ESR1: variants seen among roughly 807,000 people sequenced by gnomAD.
The protein encoded by ESR1 is estrogen receptor.
ESR1 carries 12 observed loss-of-function variants against 52.7 expected under a neutral mutation model. The observed-to-expected ratio is 0.23, with a 90% CI of 0.15 to 0.37. The LOEUF (loss-of-function observed/expected upper bound fraction) is 0.37. Ranked by LOEUF, ESR1 falls within the 10% of genes least tolerant of loss-of-function variation. ESR1 has a pLI of 1.00. For missense variants in ESR1, 584 were observed against 779.7 expected, an observed-to-expected ratio of 0.75 and a Z score of 2.99; for synonymous variants, 305 against 316.8, an observed-to-expected ratio of 0.96 and a Z score of 0.39.
At chr6:151,997,231 G>A (rs1351169910) in intron 4 of ESR1, among the ~76,000 whole-genome samples, 1 of 152,020 alleles carries the variant, frequency 6.6e-6, no homozygotes, top group Non-Finnish European at 1.5e-5. Flanking sequence ...TCTGGCTTCT[G>A]AATTTTCTAA....
At chr6:152,038,244 C>T (rs1410729893) in intron 5 of ESR1, among the ~76,000 whole-genome samples, 2 of 152,184 alleles carry the variant, frequency 1.3e-5, no homozygotes, top group Non-Finnish European at 2.9e-5. Context: ...TTCCACGTTC[C>T]TCTGCCTGCT....
chr6:151,659,898 C>T (rs929801969), intron 1 of ESR1, among the ~76,000 whole-genome samples: 1 of 152,112 alleles, frequency 6.6e-6, no homozygotes, highest in Non-Finnish European at 1.5e-5. Context: ...AACTCTTAGG[C>T]ATAATAGTCT....
intron 2 of ESR1, among the ~76,000 whole-genome samples, chr6:151,718,132 A>G (rs1781191361): frequency 6.6e-6 from 1 of 152,262 alleles, no homozygotes; most frequent in Non-Finnish European, 1.5e-5. Context: ...AAAATATATG[A>G]AAATCTATTC....
intron 5 of ESR1, among the ~76,000 whole-genome samples, chr6:152,020,623 G>T (rs944128718): frequency 6.6e-6 from 1 of 151,840 alleles, no homozygotes; most frequent in African/African-American, 2.4e-5. Flanking sequence ...GCTAATTTTT[G>T]CATTTTTAGT....
chr6:151,779,887 G>A (rs1435788662), intron 2 of ESR1, among the ~76,000 whole-genome samples: 25 of 116,806 alleles, frequency 2.1e-4, no homozygotes, highest in African/African-American at 7.1e-4. Flanking sequence ...GCGACAGAGC[G>A]AGACTCCGTC....
intron 3 of ESR1, among the ~76,000 whole-genome samples, chr6:151,931,586 A>G (rs1005699694): frequency 2.9e-5 from 4 of 137,384 alleles, no homozygotes; most frequent in Non-Finnish European, 6.3e-5. Flanking sequence ...ATATCTCCCA[A>G]TGCTATCCCT....
chr6:151,849,860 T>G (rs1283548945), intron 2 of ESR1, among the ~76,000 whole-genome samples: 1 of 150,018 alleles, frequency 6.7e-6, no homozygotes, highest in East Asian at 2.0e-4. Flanking sequence ...CGGCTTATTG[T>G]CCTCTCCTTC....
rs2030239319 is a variant in ESR1, at chr6:151,916,525, G to A, written c.761-27648G>A. Among the ~76,000 whole-genome samples the A allele has an allele frequency of 2.0e-5, 3 of 152,172 alleles. No individual in the cohort carries two copies. In the East Asian group the frequency reaches 5.8e-4, roughly 29 times the overall value. The stretch of plus-strand genomic sequence containing the variant: ...GCAATAGGTACCTCCTTTGGAATAA[G>A]CATGGTGAGAAAGAATTGCTTCTGG... On this transcript the variant is annotated intron_variant, in intron 3 of 7. Transcript: ENST00000206249.
At chr6:152,075,747 G>A (rs1446134744) in intron 6 of ESR1, among the ~76,000 whole-genome samples, 1 of 152,202 alleles carries the variant, frequency 6.6e-6, no homozygotes, top group South Asian at 2.1e-4. Context: ...AGGCTATTAA[G>A]CAGGCTGTTC....
chr6:151,695,073 G>A (rs542205840), intron 1 of ESR1, among the ~76,000 whole-genome samples: 2 of 152,084 alleles, frequency 1.3e-5, no homozygotes, highest in Non-Finnish European at 2.9e-5. Flanking sequence ...CTCTTCTGGC[G>A]GCACCCCTCC....
intron 3 of ESR1, among the ~76,000 whole-genome samples, chr6:151,937,616 A>G (rs1012372618): frequency 2.0e-5 from 3 of 152,196 alleles, no homozygotes; most frequent in African/African-American, 7.2e-5. Flanking sequence ...AAAGGAGAGA[A>G]GGAAAGAACA....
chr6:151,938,008 T>C (rs554065061), intron 3 of ESR1, among the ~76,000 whole-genome samples: 1 of 152,366 alleles, frequency 6.6e-6, no homozygotes, highest in South Asian at 2.1e-4. Context: ...CTTTATTTCA[T>C]TCTTAATGAA....
At chr6:151,733,585 C>A (rs565808952) in intron 2 of ESR1, among the ~76,000 whole-genome samples, 2 of 152,130 alleles carry the variant, frequency 1.3e-5, no homozygotes, top group Non-Finnish European at 1.5e-5. Context: ...AACAATCTTA[C>A]GAAATTTGTG....
upstream of ESR1, among the ~76,000 whole-genome samples, chr6:151,687,811 C>T (rs910344527): frequency 6.6e-6 from 1 of 152,024 alleles, no homozygotes; most frequent in African/African-American, 2.4e-5. Flanking sequence ...TGTTGACCCT[C>T]TTTTTTTAAA....
chr6:151,985,527 A>AC (rs1203923218), intron 4 of ESR1, among the ~76,000 whole-genome samples: 4 of 139,270 alleles, frequency 2.9e-5, no homozygotes, highest in African/African-American at 1.2e-4. Context: ...AAAAAAAAAA[A>AC]AAAAAACACA....
At chr6:151,823,505 G>T (rs1780939937) in intron 1 of ESR1, among the ~76,000 whole-genome samples, 1 of 151,750 alleles carries the variant, frequency 6.6e-6, no homozygotes, top group Non-Finnish European at 1.5e-5. Context: ...AAATTCTAGG[G>T]TACATGTGCA....
chr6:151,885,839 A>C (rs1793752455), intron 3 of ESR1, among the ~76,000 whole-genome samples: 1 of 152,242 alleles, frequency 6.6e-6, no homozygotes, highest in Non-Finnish European at 1.5e-5. Context: ...TGGGCAACAG[A>C]GTGAGACTCT....
chr6:151,851,854 A>G (rs1008486709), intron 2 of ESR1, among the ~76,000 whole-genome samples: 3 of 152,156 alleles, frequency 2.0e-5, no homozygotes, highest in Admixed American at 6.6e-5. Flanking sequence ...ATGCAGATTA[A>G]TCTGGCAGAG....
At chr6:151,976,543 T>A (rs2128655529) in intron 4 of ESR1, among the ~76,000 whole-genome samples, 1 of 152,290 alleles carries the variant, frequency 6.6e-6, no homozygotes, top group Non-Finnish European at 1.5e-5. Context: ...CAGTGAAGTA[T>A]CTCATCAGAA....
Sources: gnomAD v4.1 joint callset for allele counts (sites outside exome capture counted in the v4.1 genomes callset) on GRCh38, gnomAD v4.1.1 for gene constraint, MANE v1.5 for transcripts, NCBI Gene and HGNC (gene_info 2026-07-23, HGNC 2026-07-21) for gene names.